The following TNKS2 variants were observed in gnomAD, a reference collection of about 807,000 sequenced individuals.
TNKS2 encodes tankyrase 2, also known as poly [ADP-ribose] polymerase tankyrase-2.
TNKS2 carries 72 observed loss-of-function variants against 137.6 expected under a neutral mutation model. That is an observed-to-expected ratio of 0.52 (90% CI 0.43 to 0.64). The LOEUF (loss-of-function observed/expected upper bound fraction) is 0.64. TNKS2 is among the 30% of genes least tolerant of loss of function. The pLI, the probability that TNKS2 is intolerant of heterozygous loss-of-function variation, is 0.00. For synonymous variants in TNKS2, 516 were observed against 512.1 expected (o/e 1.01, Z -0.10); for missense variants, 1,049 against 1,410.2 (o/e 0.74, Z 4.10).
chr10:91,836,771 C>T lies in TNKS2; in HGVS notation c.1448-148C>T, dbSNP rs983732309. 3.6e-6 allele frequency: 5 copies of T among 1,376,974 alleles called. No homozygotes were observed. The African/African-American group carries it at 7.3e-5, about 20-fold the overall frequency. 85.3% of individuals were successfully genotyped at this position (1,376,974 alleles called of 1,614,324 possible). ...AGAATCTTATTTTTCACTCCCCAAC[C>T]CTCACCCCCCTTACTACCATGGAGA... On this transcript the variant is annotated intron_variant, in intron 12 of 26. Coordinates refer to ENST00000371627, the MANE Select transcript of TNKS2 (RefSeq NM_025235.4).
chr10:91,829,303 G>T (rs1251936744), intron 9 of TNKS2, among the ~76,000 whole-genome samples: 1 of 151,550 alleles, frequency 6.6e-6, no homozygotes. Flanking sequence ...AAATAGCAAA[G>T]CTGTAGACTA....
chr10:91,829,610 C>T (rs1483737833), intron 9 of TNKS2, among the ~76,000 whole-genome samples: 4 of 152,238 alleles, frequency 2.6e-5, no homozygotes, highest in South Asian at 4.1e-4. Flanking sequence ...CTGGTCTCTG[C>T]GCTCTCATGA....
chr10:91,815,617 T>C (rs1844667803), intron 2 of TNKS2, among the ~76,000 whole-genome samples: 1 of 152,192 alleles, frequency 6.6e-6, no homozygotes, highest in East Asian at 1.9e-4. Flanking sequence ...TATCTAATTT[T>C]ATATTGATTA....
intron 11 of TNKS2, among the ~76,000 whole-genome samples, 176 bp from the exon 12 acceptor site, chr10:91,833,677 T>A (rs963607446): frequency 6.6e-6 from 1 of 152,206 alleles, no homozygotes; most frequent in African/African-American, 2.4e-5. Flanking sequence ...GATGGTAGCC[T>A]TCATGACTTG....
chr10:91,810,691 G>A (rs542575394), intron 1 of TNKS2, among the ~76,000 whole-genome samples: 68 of 149,354 alleles, frequency 4.6e-4, no homozygotes, highest in African/African-American at 1.6e-3. Context: ...TGTATTTTTA[G>A]TAGAGACAGG....
intron 13 of TNKS2, among the ~76,000 whole-genome samples, chr10:91,837,232 G>A (rs982103114): frequency 7.2e-5 from 11 of 152,170 alleles, no homozygotes; most frequent in South Asian, 2.1e-4. Context: ...AAATAAATTC[G>A]GGTAATACCA....
chr10:91,818,010 C>G (rs1458922151), intron 3 of TNKS2, among the ~76,000 whole-genome samples: 1 of 152,250 alleles, frequency 6.6e-6, no homozygotes, highest in Non-Finnish European at 1.5e-5. Context: ...GATATTTCTT[C>G]TACCATTGCT....
At chr10:91,835,276 C>CTTTTTTTTCTTTTTTTTTTTTTTT (rs1554838003) in intron 12 of TNKS2, among the ~76,000 whole-genome samples, 2 of 141,346 alleles carry the variant, frequency 1.4e-5, no homozygotes, top group African/African-American at 5.3e-5. Flanking sequence ...GCCCATTTCT[C>CTTTTTTTTCTTTTTTTTTTTTTTT]TTTTTTTTCT....
At chr10:91,853,933 A>C (rs1423379657) in intron 21 of TNKS2, among the ~76,000 whole-genome samples, 1 of 152,226 alleles carries the variant, frequency 6.6e-6, no homozygotes, top group Non-Finnish European at 1.5e-5. Flanking sequence ...TGTAGAGATT[A>C]AAGGAGAGAG....
rs759010055 is a variant in TNKS2 at position 91,830,979 on chromosome 10, A to C, written c.1161A>C (p.Leu387=). 3 of 1,612,460 alleles carry C rather than the reference A, an allele frequency of 1.9e-6. No individual in the cohort carries two copies. In the East Asian group the frequency reaches 6.7e-5, roughly 36 times the overall value. The change falls in exon 10 of 27, where the codon CTA becomes CTC. Residue 387 remains leucine (L), a synonymous_variant. Transcript: ENST00000371627. ...GAAAGCAAATATGTGAACTGTTGCT[A>C]AGAAAAGGAGCAAACATCAATGAAA... ...PKRKQICELL[L]RKGANINEKT... is the part of the protein sequence containing the mutation.
intron 22 of TNKS2, 61 bp from the exon 23 acceptor site, chr10:91,855,553 C>A: frequency 7.6e-7 from 1 of 1,317,010 alleles, no homozygotes; most frequent in South Asian, 1.3e-5. Context: ...AACCATGTTC[C>A]CCAAATCAGA....
intron 1 of TNKS2, among the ~76,000 whole-genome samples, chr10:91,799,237 G>A (rs1055450590): frequency 6.6e-6 from 1 of 152,196 alleles, no homozygotes; most frequent in African/African-American, 2.4e-5. Context: ...GGACGTAGTT[G>A]ATAGACCTTA....
At chr10:91,810,621 A>G (rs1192358054) in intron 1 of TNKS2, among the ~76,000 whole-genome samples, 3 of 150,276 alleles carry the variant, frequency 2.0e-5, no homozygotes, top group Non-Finnish European at 4.4e-5. Flanking sequence ...TCCTGCCTCA[A>G]CCACCCAAGT....
Position 91,802,527 on chromosome 10 carries a change from G to C in TNKS2, c.199+3638G>C, listed in dbSNP as rs1844201617. Among the ~76,000 whole-genome samples the C allele has an allele frequency of 2.0e-5, 3 of 152,198 alleles. No individual in the cohort carries two copies. In the South Asian group the frequency reaches 6.2e-4, roughly 31 times the overall value. ...ATTGGCATTTTTCAGAGATGTTGTAGAGAGGATTTCAGCCTAGTTCGACCA... is the reference window on the plus strand; with the variant it reads ...ATTGGCATTTTTCAGAGATGTTGTACAGAGGATTTCAGCCTAGTTCGACCA... On this transcript the variant is annotated intron_variant, in intron 1 of 26. Coordinates refer to ENST00000371627, the MANE Select transcript of TNKS2 (RefSeq NM_025235.4).
intron 1 of TNKS2, 129 bp downstream of exon 1, chr10:91,799,018 C>G: frequency 4.1e-6 from 5 of 1,234,486 alleles, no homozygotes; most frequent in Middle Eastern, 3.1e-4. Flanking sequence ...TGATCTCGCT[C>G]TCTTCCAGTG....
intron 21 of TNKS2, among the ~76,000 whole-genome samples, chr10:91,852,692 G>A (rs571357058): frequency 6.6e-6 from 1 of 152,346 alleles, no homozygotes; most frequent in South Asian, 2.1e-4. Flanking sequence ...TACACCTGGG[G>A]TTAAAGAGAA....
intron 18 of TNKS2, 86 bp from the exon 19 acceptor site, chr10:91,848,297 T>A: frequency 7.1e-7 from 1 of 1,408,134 alleles, no homozygotes; most frequent in Non-Finnish European, 9.4e-7. Context: ...TGCTGGGTTT[T>A]CTCATATTTT....
intron 1 of TNKS2, among the ~76,000 whole-genome samples, chr10:91,800,660 G>GATAA (rs1844137326): frequency 2.0e-5 from 3 of 152,028 alleles, no homozygotes; most frequent in Admixed American, 1.3e-4. Flanking sequence ...ATCAGGTATA[G>GATAA]GTTATCAGAT....
chr10:91,803,054 T>C (rs997085984), intron 1 of TNKS2, among the ~76,000 whole-genome samples: 2 of 152,226 alleles, frequency 1.3e-5, no homozygotes, highest in Middle Eastern at 3.2e-3. Flanking sequence ...ATGGTCAAAA[T>C]TTCATCACCG....
Sources: gnomAD v4.1 joint callset for allele counts (sites outside exome capture counted in the v4.1 genomes callset) on GRCh38, gnomAD v4.1.1 for gene constraint, MANE v1.5 for transcripts, NCBI Gene and HGNC (gene_info 2026-07-23, HGNC 2026-07-21) for gene names.